The following MYH9 variants were observed in gnomAD, a reference collection of about 807,000 sequenced individuals.
The protein encoded by MYH9 is myosin heavy chain 9.
Under a neutral mutation model 241.9 loss-of-function variants are expected in MYH9, and 29 were observed. The observed-to-expected ratio is 0.12, with a 90% CI of 0.09 to 0.16. The LOEUF (loss-of-function observed/expected upper bound fraction) is 0.16. MYH9 is among the 10% of genes least tolerant of loss of function. The pLI is 1.00. For missense variants in MYH9, 1,803 were observed against 2,595.5 expected, an observed-to-expected ratio of 0.69 and a Z score of 6.63; for synonymous variants, 1,047 against 1,062.6, an observed-to-expected ratio of 0.99 and a Z score of 0.29.
chr22:36,286,937 C>A, intron 34 of MYH9, 91 bp from the exon 35 acceptor site: 1 of 1,573,622 alleles, frequency 6.4e-7, no homozygotes, highest in East Asian at 2.2e-5. Context: ...GGGCTCATGG[C>A]TGGTGCTCCA....
At chr22:36,347,653 T>C (rs1277862687) in intron 2 of MYH9, among the ~76,000 whole-genome samples, 1 of 151,984 alleles carries the variant, frequency 6.6e-6, no homozygotes, top group African/African-American at 2.4e-5. Flanking sequence ...GAGGATCGCT[T>C]GAGCCTAAGA....
At chr22:36,327,373 A>C (rs1318835611) in intron 4 of MYH9, 88 bp downstream of exon 4, 1 of 1,508,824 alleles carries the variant, frequency 6.6e-7, no homozygotes, top group African/African-American at 1.4e-5. Flanking sequence ...GGACTCTGCA[A>C]GCCCCAGTTG....
intron 11 of MYH9, 123 bp from the exon 12 acceptor site, chr22:36,316,792 G>T: frequency 9.0e-7 from 1 of 1,113,154 alleles, no homozygotes; most frequent in Non-Finnish European, 1.3e-6. Flanking sequence ...AAGTATGTGG[G>T]GGAAAAAAAA....
At chr22:36,378,602 T>C (rs2018208187) in intron 1 of MYH9, among the ~76,000 whole-genome samples, 2 of 152,080 alleles carry the variant, frequency 1.3e-5, no homozygotes, top group African/African-American at 4.8e-5. Context: ...CACCACCCCA[T>C]GTGAAATATT....
intron 1 of MYH9, among the ~76,000 whole-genome samples, chr22:36,364,466 A>G (rs891879089): frequency 6.6e-6 from 1 of 152,114 alleles, no homozygotes; most frequent in Non-Finnish European, 1.5e-5. Flanking sequence ...ATCATCTTCT[A>G]TCTTATTGTC....
Position 36,320,765 on chromosome 22 carries a change from G to A in MYH9, c.868+33C>T, listed in dbSNP as rs756931588. ...CTGGCAAGAGGCCCAGAGCCCGGCA[G>A]CCCCGGTGTCAGGCTGCAGGCCAAC... On this transcript the variant is annotated intron_variant, in intron 8 of 40. Transcript: ENST00000216181. The surrounding 1 kb of genome is among the most constrained non-coding windows in gnomAD (Gnocchi z 4.8). 3 of 1,560,786 alleles carry A rather than the reference G, an allele frequency of 1.9e-6. No individual in the cohort carries two copies. Among genetic ancestry groups the A allele is most frequent in the Admixed American group, 1.7e-5 (1 of 59,776 alleles).
At position 36,282,619 on chromosome 22, in the gene MYH9, G is replaced by T; in HGVS notation, c.*49C>A. On this transcript the variant is annotated 3_prime_UTR_variant, in exon 41 of 41. Coordinates refer to ENST00000216181, the MANE Select transcript of MYH9 (RefSeq NM_002473.6). ...CGTGCTGCGGGGTCTGGGAAGGGGA[G>T]GCTGTGGTGTCTGTCTGTCCATCCA... The T allele has an allele frequency of 6.4e-7, 1 of 1,552,598 alleles. No individual in the cohort carries two copies. The highest frequency in any genetic ancestry group is 8.9e-7 in the Non-Finnish European group (1 of 1,126,060).
chr22:36,289,197 G>A lies in MYH9; in HGVS notation c.4445C>T (p.Ala1482Val), dbSNP rs1603482804. ...CTCCATGGCTTCCTCCAGGGCCCGG[G>A]CCAGCGACAGAGCCTTGGTCTCCTT... ...REKETKALSL[A>V]RALEEAMEQK... The change falls in exon 32 of 41, where the codon GCC becomes GTC. Residue 1482 changes from alanine to valine, a missense_variant. Ala to Val is a moderately conservative substitution (Grantham distance 64, BLOSUM62 0). Coordinates refer to ENST00000216181, the MANE Select transcript of MYH9 (RefSeq NM_002473.6). 1.9e-6 allele frequency: 3 copies of A among 1,613,374 alleles called. No individual in the cohort carries two copies. Among genetic ancestry groups the A allele is most frequent in the East Asian group, 2.2e-5 (1 of 44,884 alleles).
At chr22:36,342,277 C>A (rs981682013) in intron 2 of MYH9, among the ~76,000 whole-genome samples, 2 of 152,150 alleles carry the variant, frequency 1.3e-5, no homozygotes, top group African/African-American at 4.8e-5. Context: ...AGTCAGATAT[C>A]CTGAGTTCAA....
In MYH9 at chr22:36,319,649, C is replaced by A; in HGVS notation, c.1013-14G>T. Reference sequence around the variant, plus strand: ...CCCGCAGCAGGCCTTTGGGTGCAATCAGAGGCAGCTCAGAAGCAGACATGG... The same window carrying A: ...CCCGCAGCAGGCCTTTGGGTGCAATAAGAGGCAGCTCAGAAGCAGACATGG... On this transcript the variant is annotated splice_polypyrimidine_tract_variant and intron_variant, in intron 9 of 40. Coordinates refer to ENST00000216181, the MANE Select transcript of MYH9 (RefSeq NM_002473.6). 1.2e-6 allele frequency: 2 copies of A among 1,613,564 alleles called. No homozygotes were observed. The highest frequency in any genetic ancestry group is 1.7e-6 in the Non-Finnish European group (2 of 1,179,616).
Position 36,333,368 on chromosome 22 carries a change from G to A in MYH9, c.491-5880C>T, listed in dbSNP as rs78012052. On this transcript the variant is annotated intron_variant, in intron 3 of 40. Transcript: ENST00000216181. ...GATTCACTCCTGGAGCACGGCTCAC[G>A]CTTCCTCTCCTTTCAGCTTAGACCT... Among the ~76,000 whole-genome samples the A allele has an allele frequency of 1.3e-3, 199 of 152,340 alleles. No individual in the cohort carries two copies. The Middle Eastern group carries it at 0.014, about 10-fold the overall frequency.
chr22:36,300,740 G>A lies in MYH9; in HGVS notation c.2838+111C>T. The A allele has an allele frequency of 3.2e-6, 4 of 1,250,006 alleles. No individual in the cohort carries two copies. Among genetic ancestry groups the A allele is most frequent in the Non-Finnish European group, 1.1e-6 (1 of 877,720 alleles). 77.4% of individuals were successfully genotyped at this position (1,250,006 alleles called of 1,614,324 possible). On this transcript the variant is annotated intron_variant, in intron 22 of 40. Transcript: ENST00000216181. The surrounding 1 kb of genome is among the most constrained non-coding windows in gnomAD (Gnocchi z 5.0). ...GAGAGCCCCAAGCAGATTGCGTGAGGAGCAGCCTCCTTGGACCCTAATTCC... is the reference window on the plus strand; with the variant it reads ...GAGAGCCCCAAGCAGATTGCGTGAGAAGCAGCCTCCTTGGACCCTAATTCC...
At chr22:36,294,906 C>A (rs370466704) in intron 27 of MYH9, 26 bp downstream of exon 27, 49 of 1,609,156 alleles carry the variant, frequency 3.0e-5, no homozygotes, top group African/African-American at 4.0e-5. Context: ...CTGCCCTCCC[C>A]CTGCGGTCTC....
chr22:36,283,079 A>G (rs1393602170), intron 40 of MYH9, among the ~76,000 whole-genome samples: 1 of 152,242 alleles, frequency 6.6e-6, no homozygotes, highest in Non-Finnish European at 1.5e-5. Context: ...AAGGCACAAA[A>G]GTAAGTGTAA....
At chr22:36,287,318 A>G (rs1370367385) in intron 34 of MYH9, among the ~76,000 whole-genome samples, 1 of 152,236 alleles carries the variant, frequency 6.6e-6, no homozygotes, top group Non-Finnish European at 1.5e-5. Flanking sequence ...CCCCAAATCA[A>G]AGAGAGTGAC....
At chr22:36,359,875 G>A (rs752055710) in intron 1 of MYH9, among the ~76,000 whole-genome samples, 9 of 152,184 alleles carry the variant, frequency 5.9e-5, no homozygotes, top group Non-Finnish European at 1.0e-4. Context: ...TCCTGGTTCT[G>A]CAAACCCTAA....
At chr22:36,334,682 G>T (rs576840168) in intron 3 of MYH9, among the ~76,000 whole-genome samples, 1 of 152,314 alleles carries the variant, frequency 6.6e-6, no homozygotes, top group South Asian at 2.1e-4. Context: ...AGGAATGAGC[G>T]ATTTGAAGCC....
Position 36,319,786 on chromosome 22 carries a change from T to C in MYH9, c.1013-151A>G, listed in dbSNP as rs2017220708. Reference sequence around the variant, plus strand: ...GGGCCACAGGGGCGCCAGGTCTGCGTCTAACGGTGTGCGGTGGGCCCAGCC... The same window carrying C: ...GGGCCACAGGGGCGCCAGGTCTGCGCCTAACGGTGTGCGGTGGGCCCAGCC... On this transcript the variant is annotated intron_variant, in intron 9 of 40. Coordinates refer to ENST00000216181, the MANE Select transcript of MYH9 (RefSeq NM_002473.6). The C allele has an allele frequency of 2.6e-5, 21 of 800,070 alleles. No homozygotes were observed. The South Asian group carries it at 3.1e-4, about 12-fold the overall frequency. The allele number at this position is 800,070 out of a possible 1,614,324, so 49.6% of individuals were successfully genotyped here.
intron 20 of MYH9, 80 bp downstream of exon 20, chr22:36,302,488 A>T: frequency 7.8e-7 from 1 of 1,290,190 alleles, no homozygotes; most frequent in South Asian, 1.2e-5. Context: ...CCTCTACAAA[A>T]AATACAAACA....
Sources: allele counts gnomAD v4.1 joint callset (sites outside exome capture counted in the v4.1 genomes callset), GRCh38; gene constraint gnomAD v4.1.1; non-coding constraint Gnocchi (gnomAD v3.1); transcripts MANE v1.5; gene names NCBI Gene and HGNC (gene_info 2026-07-23, HGNC 2026-07-21).